The following CADPS2 variants were observed in gnomAD, a reference collection of about 807,000 sequenced individuals.
CADPS2 encodes calcium dependent secretion activator 2, also known as calcium-dependent secretion activator 2.
In CADPS2, 93 loss-of-function variants were observed where a neutral mutation model predicts 172.5. The observed-to-expected ratio is 0.54, with a 90% CI of 0.46 to 0.64. The LOEUF (loss-of-function observed/expected upper bound fraction) is 0.64. CADPS2 is among the 30% of genes least tolerant of loss of function. CADPS2 has a pLI of 0.00. For synonymous variants in CADPS2, 546 were observed against 555.2 expected (o/e 0.98, Z 0.23); for missense variants, 1,420 against 1,565.9 (o/e 0.91, Z 1.57).
At chr7:122,470,190 T>C (rs1331320379) in intron 14 of CADPS2, among the ~76,000 whole-genome samples, 1 of 152,034 alleles carries the variant, frequency 6.6e-6, no homozygotes, top group Admixed American at 6.6e-5. Flanking sequence ...GGTAGAATAC[T>C]ATAGAAAGAA....
intron 4 of CADPS2, among the ~76,000 whole-genome samples, chr7:122,623,515 G>T (rs1450642479): frequency 6.6e-6 from 1 of 152,092 alleles, no homozygotes; most frequent in African/African-American, 2.4e-5. Flanking sequence ...AGACAATAAA[G>T]CTACATGTTA....
Position 122,641,799 on chromosome 7 carries a change from C to A in CADPS2, c.787-12471G>T, listed in dbSNP as rs1053186115. 2.0e-5 allele frequency among the ~76,000 whole-genome samples: 3 copies of A among 151,708 alleles called. No homozygotes were observed. The East Asian group carries it at 5.8e-4, about 29-fold the overall frequency. On this transcript the variant is annotated intron_variant, in intron 3 of 29. Transcript: ENST00000449022. Reference sequence around the variant, plus strand: ...TTTTCTATACCTACAGTACAGCATACCCTGTTGCAGGATTTTCAGTAACTA... The same window carrying A: ...TTTTCTATACCTACAGTACAGCATAACCTGTTGCAGGATTTTCAGTAACTA...
chr7:122,560,536 TCAAA>T (rs1489791644), intron 7 of CADPS2, among the ~76,000 whole-genome samples: 2 of 152,110 alleles, frequency 1.3e-5, no homozygotes, highest in Non-Finnish European at 2.9e-5. Context: ...TGAACTAGCC[TCAAA>T]CAGAGGAAGA....
intron 6 of CADPS2, among the ~76,000 whole-genome samples, chr7:122,608,395 T>C (rs947705386): frequency 2.0e-5 from 3 of 152,228 alleles, no homozygotes; most frequent in Admixed American, 6.5e-5. Context: ...TTGGTTTATA[T>C]GCAGTCTGTA....
intron 1 of CADPS2, among the ~76,000 whole-genome samples, chr7:122,779,086 C>T (rs748907661): frequency 1.1e-4 from 17 of 152,198 alleles, no homozygotes; most frequent in Non-Finnish European, 2.1e-4. Context: ...GATGTACCTT[C>T]GCTTCTCCTT....
chr7:122,466,940 C>G (rs1410384857), intron 14 of CADPS2, among the ~76,000 whole-genome samples: 2 of 152,076 alleles, frequency 1.3e-5, no homozygotes, highest in African/African-American at 4.8e-5. Context: ...CTGGTTTTGT[C>G]TGTTTTGTTT....
At chr7:122,620,511 A>T (rs2075475051) in intron 5 of CADPS2, among the ~76,000 whole-genome samples, 1 of 152,182 alleles carries the variant, frequency 6.6e-6, no homozygotes, top group African/African-American at 2.4e-5. Context: ...CAATGAAGAG[A>T]TATCATGTAA....
At chr7:122,820,955 C>T (rs113344243) in intron 1 of CADPS2, among the ~76,000 whole-genome samples, 1 of 151,448 alleles carries the variant, frequency 6.6e-6, no homozygotes, top group African/African-American at 2.4e-5. Context: ...CTATGCTCAA[C>T]TCACTCTCTA....
At chr7:122,659,796 A>G (rs2080310690) in intron 3 of CADPS2, among the ~76,000 whole-genome samples, 1 of 152,186 alleles carries the variant, frequency 6.6e-6, no homozygotes, top group African/African-American at 2.4e-5. Flanking sequence ...AGTAAAGGAT[A>G]AGAACTACAT....
chr7:122,459,667 T>C (rs2152088940), intron 14 of CADPS2, among the ~76,000 whole-genome samples: 1 of 152,318 alleles, frequency 6.6e-6, no homozygotes, highest in African/African-American at 2.4e-5. Context: ...TAAAAATAAT[T>C]GCAGTTGATT....
intron 1 of CADPS2, among the ~76,000 whole-genome samples, chr7:122,777,014 G>A (rs114603534): frequency 7.8e-4 from 119 of 152,192 alleles, no homozygotes; most frequent in African/African-American, 2.7e-3. Context: ...AGCCAAGCAC[G>A]GCAGTGTGTG....
rs1246758269 is a variant in CADPS2, at chr7:122,670,869, C to A, written c.454-7300G>T. ...ACTGCACAGCAGTGAAACCCTGTTTCAAAAAAAAAAAAAAAAAGTCCCAAA... is the reference window on the plus strand; with the variant it reads ...ACTGCACAGCAGTGAAACCCTGTTTAAAAAAAAAAAAAAAAAAGTCCCAAA... On this transcript the variant is annotated intron_variant, in intron 2 of 29. Coordinates refer to ENST00000449022, the MANE Select transcript of CADPS2 (RefSeq NM_017954.11). 5.5e-3 allele frequency among the ~76,000 whole-genome samples: 676 copies of A among 122,694 alleles called. 2 individuals are homozygous for A. The highest frequency in any genetic ancestry group is 7.5e-3 in the Non-Finnish European group (448 of 59,774). The allele number at this position is 122,694 out of a possible 152,430, so 80.5% of individuals were successfully genotyped here.
intron 1 of CADPS2, among the ~76,000 whole-genome samples, chr7:122,778,831 G>A (rs1562994392): frequency 6.6e-6 from 1 of 152,248 alleles, no homozygotes; most frequent in African/African-American, 2.4e-5. Context: ...GTTTTAAAAT[G>A]TGACGACATG....
chr7:122,511,161 C>T (rs1586746916), intron 9 of CADPS2, among the ~76,000 whole-genome samples: 1 of 152,064 alleles, frequency 6.6e-6, no homozygotes, highest in East Asian at 1.9e-4. Flanking sequence ...CTTAGATATC[C>T]CTTTTAAGAT....
intron 1 of CADPS2, among the ~76,000 whole-genome samples, chr7:122,862,635 AC>A (rs1001280603): frequency 1.3e-5 from 2 of 151,716 alleles, no homozygotes; most frequent in African/African-American, 4.8e-5. Context: ...ATCCTGCCCA[AC>A]CCTCTGTAAT....
At chr7:122,329,635 T>C (rs1282867494) in intron 28 of CADPS2, among the ~76,000 whole-genome samples, 5 of 152,222 alleles carry the variant, frequency 3.3e-5, no homozygotes, top group Non-Finnish European at 7.3e-5. Flanking sequence ...AACTCTCCTT[T>C]TTACCTAATT....
At chr7:122,751,104 T>C (rs1037289779) in intron 1 of CADPS2, among the ~76,000 whole-genome samples, 1 of 152,186 alleles carries the variant, frequency 6.6e-6, no homozygotes, top group East Asian at 1.9e-4. Context: ...TTCTGGTTTG[T>C]ATAATTATGA....
chr7:122,855,651 G>A (rs969748197), intron 1 of CADPS2, among the ~76,000 whole-genome samples: 1 of 152,132 alleles, frequency 6.6e-6, no homozygotes, highest in Admixed American at 6.5e-5. Flanking sequence ...GAAACAGCAG[G>A]AAAAGCCTAG....
chr7:122,437,583 C>T (rs1055748499), intron 17 of CADPS2, among the ~76,000 whole-genome samples: 1 of 151,954 alleles, frequency 6.6e-6, no homozygotes, highest in African/African-American at 2.4e-5. Context: ...ACATTAACTG[C>T]ATTTTTTCCC....
Sources: gnomAD v4.1 joint callset for allele counts (sites outside exome capture counted in the v4.1 genomes callset) on GRCh38, gnomAD v4.1.1 for gene constraint, MANE v1.5 for transcripts, NCBI Gene and HGNC (gene_info 2026-07-23, HGNC 2026-07-21) for gene names.